THSD7A: variants seen among roughly 807,000 people sequenced by gnomAD.
THSD7A encodes the protein thrombospondin type-1 domain-containing protein 7A.
A neutral mutation model predicts 231.3 loss-of-function variants in THSD7A; 96 were observed. That is an observed-to-expected ratio of 0.41 (90% CI 0.35 to 0.49). THSD7A has a LOEUF of 0.49. THSD7A is among the 20% of genes least tolerant of loss of function. The pLI is 0.05. For missense variants in THSD7A, 2,290 were observed against 2,070.2 expected (o/e 1.11, Z -2.06); for synonymous variants, 940 against 743.3 (o/e 1.26, Z -4.30).
At chr7:11,543,291 A>G (rs1416617020) in intron 4 of THSD7A, among the ~76,000 whole-genome samples, 174 bp from the exon 5 acceptor site, 1 of 152,234 alleles carries the variant, frequency 6.6e-6, no homozygotes, top group Non-Finnish European at 1.5e-5. Context: ...AATGGAAATA[A>G]AAGAGGCAAT....
intron 1 of THSD7A, among the ~76,000 whole-genome samples, chr7:11,729,224 T>C (rs2128156489): frequency 6.6e-6 from 1 of 151,926 alleles, no homozygotes; most frequent in East Asian, 2.0e-4. Flanking sequence ...CAAACATTTA[T>C]ATTGTTTTAG....
At chr7:11,562,847 CG>C (rs1790132597) in intron 4 of THSD7A, among the ~76,000 whole-genome samples, 1 of 151,944 alleles carries the variant, frequency 6.6e-6, no homozygotes, top group African/African-American at 2.4e-5. Context: ...ACTAGTGGTG[CG>C]TTTTTGATGT....
At chr7:11,466,107 G>T (rs568161545) in intron 9 of THSD7A, among the ~76,000 whole-genome samples, 1 of 152,140 alleles carries the variant, frequency 6.6e-6, no homozygotes, top group East Asian at 1.9e-4. Flanking sequence ...CAATAGTATT[G>T]TGTATTTGAC....
intron 13 of THSD7A, among the ~76,000 whole-genome samples, chr7:11,445,185 T>C (rs1410459134): frequency 6.6e-6 from 1 of 152,000 alleles, no homozygotes; most frequent in Non-Finnish European, 1.5e-5. Flanking sequence ...ATTTAACTCA[T>C]CCTTTCTTGG....
chr7:11,666,956 A>G (rs1369939695), intron 1 of THSD7A, among the ~76,000 whole-genome samples: 1 of 152,132 alleles, frequency 6.6e-6, no homozygotes, highest in African/African-American at 2.4e-5. Flanking sequence ...ACAGTTATCC[A>G]GTGGAATCTG....
At chr7:11,672,973 T>A (rs1019333504) in intron 1 of THSD7A, among the ~76,000 whole-genome samples, 1 of 152,138 alleles carries the variant, frequency 6.6e-6, no homozygotes, top group Middle Eastern at 3.2e-3. Flanking sequence ...TAACATAAGG[T>A]TTCTGGGGGC....
intron 24 of THSD7A, 97 bp from the exon 25 acceptor site, chr7:11,379,809 T>A: frequency 7.5e-7 from 1 of 1,327,628 alleles, no homozygotes; most frequent in Non-Finnish European, 1.1e-6. Flanking sequence ...TGAACCACCT[T>A]GGGAATCCCA....
chr7:11,599,383 T>C (rs541956612), intron 2 of THSD7A, among the ~76,000 whole-genome samples: 1 of 152,202 alleles, frequency 6.6e-6, no homozygotes, highest in African/African-American at 2.4e-5. Context: ...CAATACCAGC[T>C]ACGACCACGT....
At chr7:11,758,204 T>TA (rs1218229794) in intron 1 of THSD7A, among the ~76,000 whole-genome samples, 1 of 151,820 alleles carries the variant, frequency 6.6e-6, no homozygotes, top group Non-Finnish European at 1.5e-5. Context: ...CCAGTAGACT[T>TA]AAACTACACT....
chr7:11,563,420 C>T (rs910448255), intron 4 of THSD7A, among the ~76,000 whole-genome samples: 10 of 152,032 alleles, frequency 6.6e-5, no homozygotes, highest in African/African-American at 2.4e-4. Context: ...AGTGCAGTGG[C>T]GTGATCTCAG....
At chr7:11,744,673 A>G (rs976674716) in intron 1 of THSD7A, among the ~76,000 whole-genome samples, 2 of 139,076 alleles carry the variant, frequency 1.4e-5, no homozygotes, top group African/African-American at 5.4e-5. Flanking sequence ...ATTCCCACCT[A>G]TGAGTGAGAA....
At chr7:11,392,317 A>AGGGAAGCCATGAGGAATGGTGC (rs1783014224) in intron 23 of THSD7A, among the ~76,000 whole-genome samples, 1 of 151,956 alleles carries the variant, frequency 6.6e-6, no homozygotes, top group Non-Finnish European at 1.5e-5. Flanking sequence ...CCCCTAGCCA[A>AGGGAAGCCATGAGGAATGGTGC]GGGAAGCCAT....
chr7:11,540,114 T>C (rs6970731), intron 6 of THSD7A, among the ~76,000 whole-genome samples: 40,013 of 152,122 alleles, frequency 0.26, 5,375 homozygotes, highest in Middle Eastern at 0.4. Context: ...CTCTTTATTA[T>C]AGAATAAGTA....
At chr7:11,744,319 C>T (rs1448153170) in intron 1 of THSD7A, among the ~76,000 whole-genome samples, 2 of 151,736 alleles carry the variant, frequency 1.3e-5, no homozygotes, top group African/African-American at 4.8e-5. Flanking sequence ...CAAGAGAAAG[C>T]TTTACCATTA....
chr7:11,734,652 T>C (rs1781846248), intron 1 of THSD7A, among the ~76,000 whole-genome samples: 1 of 152,004 alleles, frequency 6.6e-6, no homozygotes, highest in African/African-American at 2.4e-5. Context: ...ACATTGTTAA[T>C]GACCTTATTT....
rs144764788 is a variant in THSD7A, at chr7:11,411,993, T to G, written c.3682+663A>C. The stretch of plus-strand genomic sequence containing the variant: ...GACTGTTATGTGTCATTGTACAGTT[T>G]CTTGAGTTTGTTGCAGAGTGAAAAT... On this transcript the variant is annotated intron_variant, in intron 18 of 27. Coordinates refer to ENST00000423059, the MANE Select transcript of THSD7A (RefSeq NM_015204.3). The surrounding 1 kb of genome is among the most constrained non-coding windows in gnomAD (Gnocchi z 4.1). Among the ~76,000 whole-genome samples the G allele has an allele frequency of 6.6e-6, 1 of 152,266 alleles. No homozygotes were observed. The highest frequency in any genetic ancestry group is 2.4e-5 in the African/African-American group (1 of 41,542).
At position 11,540,409 on chromosome 7, in the gene THSD7A, T is replaced by A. The variant is rs2128322263; in HGVS notation, c.1822+1010A>T. 1.3e-5 allele frequency among the ~76,000 whole-genome samples: 2 copies of A among 152,310 alleles called. 1 individual carries two copies. Among genetic ancestry groups the A allele is most frequent in the South Asian group, 4.1e-4 (2 of 4,832 alleles). ...TGACTGAGTCACAGGAGGAAACAAT[T>A]CTGCTTACTGGAAGAAAATAGGATG... On this transcript the variant is annotated intron_variant, in intron 6 of 27. Coordinates refer to ENST00000423059, the MANE Select transcript of THSD7A (RefSeq NM_015204.3).
In THSD7A at chr7:11,375,464, G is replaced by C. The variant is rs1782230154; in HGVS notation, c.*330C>G. The C allele has an allele frequency of 5.0e-6, 1 of 201,376 alleles. No homozygotes were observed. The highest frequency in any genetic ancestry group is 2.3e-5 in the African/African-American group (1 of 42,994). 12.5% of individuals were successfully genotyped at this position (201,376 alleles called of 1,614,324 possible). ...AACACTGCAGACGGTCTTGTATCAGGCATCCTAACTGGCCAATTCCACCAT... is the reference window on the plus strand; with the variant it reads ...AACACTGCAGACGGTCTTGTATCAGCCATCCTAACTGGCCAATTCCACCAT... On this transcript the variant is annotated 3_prime_UTR_variant, in exon 28 of 28. Transcript: ENST00000423059.
chr7:11,719,193 T>A (rs1020070841), intron 1 of THSD7A, among the ~76,000 whole-genome samples: 3 of 151,576 alleles, frequency 2.0e-5, no homozygotes, highest in Admixed American at 1.3e-4. Flanking sequence ...ACTTCTTTAT[T>A]CTCTTCTCTG....
Sources: allele counts gnomAD v4.1 joint callset (sites outside exome capture counted in the v4.1 genomes callset), GRCh38; gene constraint gnomAD v4.1.1; non-coding constraint Gnocchi (gnomAD v3.1); transcripts MANE v1.5; gene names NCBI Gene and HGNC (gene_info 2026-07-23, HGNC 2026-07-21).